QKI: variants seen among roughly 807,000 people sequenced by gnomAD.
The protein encoded by QKI is KH domain-containing RNA-binding protein QKI.
Under a neutral mutation model 39.0 loss-of-function variants are expected in QKI, and 10 were observed. The observed-to-expected ratio is 0.26, with a 90% CI of 0.16 to 0.43. The LOEUF is 0.43. QKI is among the 20% of genes least tolerant of loss of function. The pLI is 1.00. For missense variants in QKI, 218 were observed against 428.0 expected (o/e 0.51, Z 4.33); for synonymous variants, 204 against 155.4 (o/e 1.31, Z -2.33).
In QKI at chr6:163,556,057, T is replaced by A. The variant is rs534407750; in HGVS notation, c.547-5925T>A. Among the ~76,000 whole-genome samples, 3 of 152,318 alleles carry A rather than the reference T, an allele frequency of 2.0e-5. No homozygotes were observed. The East Asian group carries it at 5.8e-4, about 29-fold the overall frequency. ...GTGGCTTTGGATAAGCTGCCTACCC[T>A]GCCTGAGCCTCAGGGATAATGCACT... On this transcript the variant is annotated intron_variant, in intron 4 of 7. Transcript: ENST00000361752.
intron 4 of QKI, among the ~76,000 whole-genome samples, chr6:163,554,012 A>C (rs930786647): frequency 6.6e-6 from 1 of 152,172 alleles, no homozygotes; most frequent in African/African-American, 2.4e-5. Flanking sequence ...GAGACTGCAA[A>C]AAAAGCATCT....
In QKI at chr6:163,563,613, T is replaced by C; in HGVS notation, c.828T>C (p.Pro276=). 6.2e-7 allele frequency: 1 copy of C among 1,614,172 alleles called. No homozygotes were observed. The highest frequency in any genetic ancestry group is 1.7e-5 in the Admixed American group (1 of 60,016). Reference sequence around the variant, plus strand: ...CTCACCCAACTGCTGCAATAGTTCCTCCAGGGCCCGAAGCTGGTTTAATCT... The same window carrying C: ...CTCACCCAACTGCTGCAATAGTTCCCCCAGGGCCCGAAGCTGGTTTAATCT... ...GTPHPTAAIV[P]PGPEAGLIYT... is the part of the protein sequence containing the mutation. The change falls in exon 6 of 8, where the codon CCT becomes CCC. Residue 276 remains proline, a synonymous_variant. Coordinates refer to ENST00000361752, the MANE Select transcript of QKI (RefSeq NM_006775.3).
At position 163,415,050 on chromosome 6, in the gene QKI, C is replaced by T. The variant is rs1169322508; in HGVS notation, c.-144C>T. On this transcript the variant is annotated 5_prime_UTR_variant, in exon 1 of 8. Coordinates refer to ENST00000361752, the MANE Select transcript of QKI (RefSeq NM_006775.3). ...GCGCGGTGCCGGCCGCCCCGGGGCT[C>T]GGCGCGGGAGCCAGAGCGGGAGCCG... 5 of 854,540 alleles carry T rather than the reference C, an allele frequency of 5.9e-6. No individual in the cohort carries two copies. The highest frequency in any genetic ancestry group is 1.3e-4 in the East Asian group (1 of 7,668). The allele number at this position is 854,540 out of a possible 1,614,324, so 52.9% of individuals were successfully genotyped here. A position where few individuals can be genotyped will look rare whatever the true frequency, so the allele number is the denominator to read the frequency against.
intron 3 of QKI, among the ~76,000 whole-genome samples, chr6:163,493,133 C>CTTTT (rs34924542): frequency 1.4e-5 from 2 of 140,634 alleles, no homozygotes; most frequent in Non-Finnish European, 3.1e-5. Context: ...ATCTACAATA[C>CTTTT]TTTTTTTTTT....
intron 1 of QKI, among the ~76,000 whole-genome samples, chr6:163,431,893 T>C (rs1788865354): frequency 6.6e-6 from 1 of 151,738 alleles, no homozygotes; most frequent in South Asian, 2.1e-4. Context: ...TGAGAGATCG[T>C]AGACCCATTC....
chr6:163,435,798 T>C (rs1216053657), intron 1 of QKI, among the ~76,000 whole-genome samples: 1 of 152,210 alleles, frequency 6.6e-6, no homozygotes, highest in Non-Finnish European at 1.5e-5. Context: ...GGGCTTATAA[T>C]TAACACTACT....
At chr6:163,448,557 G>A (rs896290623) in intron 1 of QKI, among the ~76,000 whole-genome samples, 1 of 151,600 alleles carries the variant, frequency 6.6e-6, no homozygotes, top group Non-Finnish European at 1.5e-5. Flanking sequence ...GTGAAACCCC[G>A]TGTCTACTAA....
chr6:163,512,738 G>T (rs1162863135), intron 3 of QKI, among the ~76,000 whole-genome samples: 1 of 152,024 alleles, frequency 6.6e-6, no homozygotes, highest in Non-Finnish European at 1.5e-5. Flanking sequence ...AGTTGACCAC[G>T]TGCTGGTCCA....
At chr6:163,493,813 C>T (rs1482073534) in intron 3 of QKI, among the ~76,000 whole-genome samples, 2 of 151,764 alleles carry the variant, frequency 1.3e-5, no homozygotes, top group Non-Finnish European at 2.9e-5. Flanking sequence ...GCTTATGTAA[C>T]GAATCTTCTA....
chr6:163,498,490 A>C (rs1433663812), intron 3 of QKI, among the ~76,000 whole-genome samples: 1 of 152,184 alleles, frequency 6.6e-6, no homozygotes, highest in Non-Finnish European at 1.5e-5. Context: ...AGCCATGTGT[A>C]GCATGTTACC....
chr6:163,561,712 T>G lies in QKI; in HGVS notation c.547-270T>G, dbSNP rs112795960. On this transcript the variant is annotated intron_variant, in intron 4 of 7. Transcript: ENST00000361752. ...ATTTTCATTCATTTCTATTTAAAAGTAAAGCTTTTTAGGGGAACTTTAATA... is the reference window on the plus strand; with the variant it reads ...ATTTTCATTCATTTCTATTTAAAAGGAAAGCTTTTTAGGGGAACTTTAATA... 4.5e-3 allele frequency among the ~76,000 whole-genome samples: 688 copies of G among 152,316 alleles called. 6 individuals carry two copies. The highest frequency in any genetic ancestry group is 0.016 in the African/African-American group (655 of 41,578).
chr6:163,466,533 G>A (rs1476979247), intron 2 of QKI, among the ~76,000 whole-genome samples: 3 of 152,084 alleles, frequency 2.0e-5, no homozygotes, highest in Non-Finnish European at 2.9e-5. Context: ...CAGACACATA[G>A]ACCAATGAAA....
chr6:163,524,745 G>A (rs57904637), intron 3 of QKI, among the ~76,000 whole-genome samples: 3,102 of 152,142 alleles, frequency 0.02, 107 homozygotes, highest in African/African-American at 0.071. Context: ...GGAATTACAG[G>A]CATGAACCAC....
At chr6:163,516,202 A>T (rs980145168) in intron 3 of QKI, among the ~76,000 whole-genome samples, 2 of 152,228 alleles carry the variant, frequency 1.3e-5, no homozygotes, top group African/African-American at 4.8e-5. Context: ...ACTCAACAAC[A>T]TACATACATT....
chr6:163,570,628 C>G, intron 7 of QKI, 66 bp from the exon 8 acceptor site: 1 of 1,593,896 alleles, frequency 6.3e-7, no homozygotes, highest in Non-Finnish European at 8.5e-7. Context: ...CTAGCTGAAA[C>G]TAATCTCTTC....
intron 4 of QKI, among the ~76,000 whole-genome samples, chr6:163,545,464 A>G (rs1434057859): frequency 6.6e-6 from 1 of 152,068 alleles, no homozygotes; most frequent in African/African-American, 2.4e-5. Flanking sequence ...AATTATCTAA[A>G]TCATTGAGCA....
At chr6:163,504,119 C>A (rs865865793) in intron 3 of QKI, among the ~76,000 whole-genome samples, 1 of 152,092 alleles carries the variant, frequency 6.6e-6, no homozygotes, top group Non-Finnish European at 1.5e-5. Flanking sequence ...CTCCCAGCAC[C>A]ATTTATTGAA....
At chr6:163,531,325 TCTC>T (rs1457214232) in intron 3 of QKI, among the ~76,000 whole-genome samples, 1 of 152,168 alleles carries the variant, frequency 6.6e-6, no homozygotes, top group Non-Finnish European at 1.5e-5. Flanking sequence ...TGTCAACTGT[TCTC>T]CTAATGCAGT....
At chr6:163,463,860 T>C (rs999945305) in intron 2 of QKI, among the ~76,000 whole-genome samples, 1 of 152,198 alleles carries the variant, frequency 6.6e-6, no homozygotes. Flanking sequence ...ATTTTGCTGC[T>C]ACCCATGTTT....
Sources: allele counts gnomAD v4.1 joint callset (sites outside exome capture counted in the v4.1 genomes callset), GRCh38; gene constraint gnomAD v4.1.1; transcripts MANE v1.5; gene names NCBI Gene and HGNC (gene_info 2026-07-23, HGNC 2026-07-21).